ADARB2: variants seen among roughly 807,000 people sequenced by gnomAD.
The protein encoded by ADARB2 is adenosine deaminase RNA specific B2 (inactive).
Under a neutral mutation model 62.2 loss-of-function variants are expected in ADARB2, and 25 were observed. The observed-to-expected ratio is 0.40, with a 90% confidence interval of 0.29 to 0.56. The LOEUF (loss-of-function observed/expected upper bound fraction) is 0.56. Ranked by LOEUF, ADARB2 falls within the 20% of genes least tolerant of loss-of-function variation. The pLI, the probability that ADARB2 is intolerant of heterozygous loss-of-function variation, is 0.43. For missense variants in ADARB2, 1,071 were observed against 1,077.4 expected, an observed-to-expected ratio of 0.99 and a Z score of 0.08; for synonymous variants, 572 against 500.8, an observed-to-expected ratio of 1.14 and a Z score of -1.90.
chr10:1,690,751 G>A (rs562331976), intron 1 of ADARB2, among the ~76,000 whole-genome samples: 1 of 152,102 alleles, frequency 6.6e-6, no homozygotes, highest in Non-Finnish European at 1.5e-5. Context: ...TCCATGATCC[G>A]ATCCCTCTGG....
At chr10:1,420,369 C>T (rs933073934) in intron 1 of ADARB2, among the ~76,000 whole-genome samples, 5 of 152,096 alleles carry the variant, frequency 3.3e-5, no homozygotes, top group African/African-American at 7.2e-5. Context: ...AGCGCAGCCA[C>T]GGAAAATAAT....
At chr10:1,266,401 G>C (rs956483339) in intron 4 of ADARB2, among the ~76,000 whole-genome samples, 1 of 150,962 alleles carries the variant, frequency 6.6e-6, no homozygotes, top group Admixed American at 6.7e-5. Flanking sequence ...GAGGGTGGAA[G>C]CATTTGTTCA....
chr10:1,184,824 T>C, intron 9 of ADARB2, 37 bp downstream of exon 9: 1 of 1,596,842 alleles, frequency 6.3e-7, no homozygotes, highest in Non-Finnish European at 8.5e-7. Flanking sequence ...AGGGTCTGGC[T>C]GGGTCCAGTT....
At chr10:1,596,602 G>T (rs965097991) in intron 1 of ADARB2, among the ~76,000 whole-genome samples, 1 of 152,216 alleles carries the variant, frequency 6.6e-6, no homozygotes, top group Non-Finnish European at 1.5e-5. Context: ...CCTGATCCCT[G>T]CAGGGGCTGG....
intron 1 of ADARB2, among the ~76,000 whole-genome samples, chr10:1,655,685 A>T (rs1345917468): frequency 6.6e-6 from 1 of 152,092 alleles, no homozygotes; most frequent in African/African-American, 2.4e-5. Context: ...AAAAAAAAAG[A>T]AAACTGGAAA....
intron 1 of ADARB2, among the ~76,000 whole-genome samples, chr10:1,389,084 A>C (rs985263069): frequency 2.6e-5 from 4 of 152,230 alleles, no homozygotes; most frequent in Non-Finnish European, 5.9e-5. Context: ...AAACTAGACA[A>C]CATATTGAAA....
intron 1 of ADARB2, among the ~76,000 whole-genome samples, chr10:1,696,601 C>T (rs1364584539): frequency 6.6e-6 from 1 of 152,192 alleles, no homozygotes; most frequent in African/African-American, 2.4e-5. Flanking sequence ...CTGGCAGCTG[C>T]ATCCTGTTGA....
intron 1 of ADARB2, among the ~76,000 whole-genome samples, chr10:1,726,268 G>C (rs1342991311): frequency 2.0e-5 from 3 of 152,230 alleles, no homozygotes; most frequent in Admixed American, 6.5e-5. Flanking sequence ...ACAGACGATA[G>C]ATTGTTTAGA....
intron 6 of ADARB2, among the ~76,000 whole-genome samples, chr10:1,228,476 C>T (rs866446948): frequency 5.3e-5 from 8 of 152,182 alleles, no homozygotes; most frequent in Non-Finnish European, 1.2e-4. Flanking sequence ...CCGTCGCCCT[C>T]GTGAGTCTGT....
chr10:1,602,547 C>T (rs1833430554), intron 1 of ADARB2, among the ~76,000 whole-genome samples: 2 of 152,286 alleles, frequency 1.3e-5, no homozygotes, highest in African/African-American at 4.8e-5. Flanking sequence ...ACTGACTCCA[C>T]ATTGCACAGC....
intron 3 of ADARB2, among the ~76,000 whole-genome samples, chr10:1,275,199 A>G (rs1831303732): frequency 6.6e-6 from 1 of 152,232 alleles, no homozygotes; most frequent in Admixed American, 6.5e-5. Flanking sequence ...GAGGGCTTGC[A>G]TGGCCAGCAG....
chr10:1,240,909 C>G (rs1006019304), intron 5 of ADARB2, among the ~76,000 whole-genome samples: 2 of 152,238 alleles, frequency 1.3e-5, no homozygotes, highest in South Asian at 2.1e-4. Flanking sequence ...TGCTGCACCC[C>G]GCAGGCCTCA....
intron 3 of ADARB2, among the ~76,000 whole-genome samples, chr10:1,311,690 C>T (rs1831692406): frequency 6.6e-6 from 1 of 152,144 alleles, no homozygotes; most frequent in Non-Finnish European, 1.5e-5. Context: ...CTCTGTCAGC[C>T]CTGGGTTCCA....
At position 1,734,296 on chromosome 10, in the gene ADARB2, G is replaced by GTTTT. The variant is rs11338512; in HGVS notation, c.100+2751_100+2754dup. ...GAAAGTCATATTCTGTGACGAAGGT[G>GTTTT]TTTTTTTTTTTTTTTTTTTTAAAGA... On this transcript the variant is annotated intron_variant, in intron 1 of 9. Transcript: ENST00000381312. 1.3e-4 allele frequency among the ~76,000 whole-genome samples: 17 copies of GTTTT among 130,786 alleles called. 1 individual carries two copies. The highest frequency in any genetic ancestry group is 2.3e-4 in the East Asian group (1 of 4,394). 85.8% of individuals were successfully genotyped at this position (130,786 alleles called of 152,430 possible).
intron 1 of ADARB2, among the ~76,000 whole-genome samples, chr10:1,543,981 C>T (rs550908337): frequency 5.3e-5 from 7 of 131,554 alleles, no homozygotes; most frequent in Admixed American, 2.7e-4. Flanking sequence ...TTACTGAAAG[C>T]GAGAATGGCA....
intron 1 of ADARB2, among the ~76,000 whole-genome samples, chr10:1,564,572 C>A (rs1832831346): frequency 6.6e-6 from 1 of 151,916 alleles, no homozygotes; most frequent in South Asian, 2.1e-4. Flanking sequence ...AAGAAAAAAA[C>A]AAACAACCCC....
Position 1,398,771 on chromosome 10 carries a change from C to T in ADARB2, c.101-19611G>A, listed in dbSNP as rs1453002072. ...CAGCTCTCGGCTCTGCGTGGATTGGCGTGCCCGTTTACCTGAGAGGCCAGG... is the reference window on the plus strand; with the variant it reads ...CAGCTCTCGGCTCTGCGTGGATTGGTGTGCCCGTTTACCTGAGAGGCCAGG... On this transcript the variant is annotated intron_variant, in intron 1 of 9. Coordinates refer to ENST00000381312, the MANE Select transcript of ADARB2 (RefSeq NM_018702.4). This position sits in a 1 kb window ranked among gnomAD's most constrained non-coding sequence, Gnocchi z 4.1. Among the ~76,000 whole-genome samples the T allele has an allele frequency of 6.6e-6, 1 of 152,174 alleles. No individual in the cohort carries two copies. The highest frequency in any genetic ancestry group is 1.9e-4 in the East Asian group (1 of 5,180).
chr10:1,395,085 G>A (rs1452880004), intron 1 of ADARB2, among the ~76,000 whole-genome samples: 1 of 151,982 alleles, frequency 6.6e-6, no homozygotes, highest in Non-Finnish European at 1.5e-5. Context: ...ACTGGCTATT[G>A]TTTTATATTC....
intron 1 of ADARB2, among the ~76,000 whole-genome samples, chr10:1,405,769 A>C (rs1832702640): frequency 6.6e-6 from 1 of 152,034 alleles, no homozygotes; most frequent in African/African-American, 2.4e-5. Context: ...CCCTAGATAC[A>C]CCTGTTTATT....
Sources: allele counts gnomAD v4.1 joint callset (sites outside exome capture counted in the v4.1 genomes callset), GRCh38; gene constraint gnomAD v4.1.1; non-coding constraint Gnocchi (gnomAD v3.1); transcripts MANE v1.5; gene names NCBI Gene and HGNC (gene_info 2026-07-23, HGNC 2026-07-21).